The following SYNJ2BP variants were observed in gnomAD, a reference collection of about 807,000 sequenced individuals.
SYNJ2BP encodes the protein synaptojanin-2-binding protein.
A neutral mutation model predicts 16.9 loss-of-function variants in SYNJ2BP; 10 were observed. The observed-to-expected ratio is 0.59, with a 90% confidence interval of 0.36 to 1.00. The LOEUF (loss-of-function observed/expected upper bound fraction) is 1.00, where lower values mean the gene tolerates loss of function less well. SYNJ2BP is among the 50% of genes least tolerant of loss of function. The pLI is 0.01. For missense variants in SYNJ2BP, 162 were observed against 186.7 expected (o/e 0.87, Z 0.77); for synonymous variants, 54 against 68.4 (o/e 0.79, Z 1.04).
intron 2 of SYNJ2BP, among the ~76,000 whole-genome samples, chr14:70,384,911 A>AAAAC (rs1887827279): frequency 6.6e-6 from 1 of 152,170 alleles, no homozygotes; most frequent in Admixed American, 6.5e-5. Flanking sequence ...TAGCAGTGTG[A>AAAAC]AAACAGATTG....
intron 2 of SYNJ2BP, among the ~76,000 whole-genome samples, chr14:70,376,866 G>A (rs1443688500): frequency 1.3e-5 from 2 of 152,152 alleles, no homozygotes; most frequent in Non-Finnish European, 1.5e-5. Context: ...CTCAGCTAAT[G>A]CTCAAGTCAC....
At chr14:70,414,883 G>T (rs1361305394) in intron 1 of SYNJ2BP, among the ~76,000 whole-genome samples, 1 of 152,164 alleles carries the variant, frequency 6.6e-6, no homozygotes, top group Non-Finnish European at 1.5e-5. Flanking sequence ...TGATTGAAAA[G>T]TAACTTTCTA....
intron 2 of SYNJ2BP, among the ~76,000 whole-genome samples, chr14:70,386,999 A>G (rs1467110468): frequency 1.3e-5 from 2 of 152,220 alleles, no homozygotes; most frequent in Non-Finnish European, 2.9e-5. Context: ...CTAAAAGAAA[A>G]CAGGGAATAG....
rs751991268 is a variant in SYNJ2BP, at chr14:70,371,977, C to G, written c.*1014G>C. On this transcript the variant is annotated 3_prime_UTR_variant, in exon 4 of 4. Transcript: ENST00000256366. ...GGTATCAAAAAAGTCACTAGGGCAG[C>G]CCAGAGATTGGTACGATTTACCTTT... 4 of 152,118 alleles carry G rather than the reference C, an allele frequency of 2.6e-5. No individual in the cohort carries two copies. Among genetic ancestry groups the G allele is most frequent in the Non-Finnish European group, 4.4e-5 (3 of 68,054 alleles). 9.4% of individuals were successfully genotyped at this position (152,118 alleles called of 1,614,324 possible). A position where few individuals can be genotyped will look rare whatever the true frequency, so the allele number is the denominator to read the frequency against.
intron 1 of SYNJ2BP, among the ~76,000 whole-genome samples, chr14:70,398,083 C>G (rs1888146359): frequency 1.3e-5 from 1 of 79,622 alleles, no homozygotes; most frequent in Non-Finnish European, 3.4e-5. Context: ...GTCATCTCAA[C>G]AAGTACTCAG....
chr14:70,408,102 G>GTT (rs570551966), intron 1 of SYNJ2BP, among the ~76,000 whole-genome samples: 208 of 142,488 alleles, frequency 1.5e-3, no homozygotes, highest in African/African-American at 4.3e-3. Context: ...CTTCTAACAG[G>GTT]TTTTTTTTTT....
intron 1 of SYNJ2BP, among the ~76,000 whole-genome samples, chr14:70,409,010 C>T (rs1436615894): frequency 6.6e-6 from 1 of 151,946 alleles, no homozygotes; most frequent in Non-Finnish European, 1.5e-5. Context: ...GCAATTCTTC[C>T]ACTTCAGCCT....
chr14:70,399,396 C>T (rs970232300), intron 1 of SYNJ2BP, among the ~76,000 whole-genome samples: 11 of 152,236 alleles, frequency 7.2e-5, no homozygotes, highest in South Asian at 4.1e-4. Flanking sequence ...AGGCACTGCC[C>T]GGGGCCCAGC....
intron 1 of SYNJ2BP, among the ~76,000 whole-genome samples, chr14:70,409,152 G>A (rs1888414734): frequency 6.6e-6 from 1 of 152,120 alleles, no homozygotes; most frequent in Admixed American, 6.6e-5. Flanking sequence ...CTGGCCTCAA[G>A]CAGTCCTCCT....
At chr14:70,389,841 T>C (rs1248087013) in intron 1 of SYNJ2BP, among the ~76,000 whole-genome samples, 1 of 152,244 alleles carries the variant, frequency 6.6e-6, no homozygotes, top group Non-Finnish European at 1.5e-5. Flanking sequence ...ACTCCCCAGT[T>C]CCTCTTCCCT....
rs1887539645 is a variant in SYNJ2BP, at chr14:70,372,583, T to G, written c.*408A>C. 1 of 163,528 alleles carries G rather than the reference T, an allele frequency of 6.1e-6. No individual in the cohort carries two copies. Among genetic ancestry groups the G allele is most frequent in the Non-Finnish European group, 1.3e-5 (1 of 75,260 alleles). 10.1% of individuals were successfully genotyped at this position (163,528 alleles called of 1,614,324 possible). ...GTTAGAAATTAAATAAAGGCCACAATAATTTCCCAAGGAAGATCATTAAAA... is the reference window on the plus strand; with the variant it reads ...GTTAGAAATTAAATAAAGGCCACAAGAATTTCCCAAGGAAGATCATTAAAA... On this transcript the variant is annotated 3_prime_UTR_variant, in exon 4 of 4. Transcript: ENST00000256366.
At chr14:70,408,627 T>G (rs1362690630) in intron 1 of SYNJ2BP, among the ~76,000 whole-genome samples, 1 of 149,392 alleles carries the variant, frequency 6.7e-6, no homozygotes, top group Non-Finnish European at 1.5e-5. Context: ...GTGCTGAGAC[T>G]GCGCCACTGC....
chr14:70,390,114 G>A (rs1887947962), intron 1 of SYNJ2BP, among the ~76,000 whole-genome samples: 1 of 152,104 alleles, frequency 6.6e-6, no homozygotes, highest in Admixed American at 6.5e-5. Flanking sequence ...TATTTCTATG[G>A]ACCAATGACT....
At chr14:70,378,333 C>A (rs1020886499) in intron 2 of SYNJ2BP, among the ~76,000 whole-genome samples, 6 of 152,080 alleles carry the variant, frequency 3.9e-5, no homozygotes, top group Non-Finnish European at 7.4e-5. Context: ...TCTGCTAGAC[C>A]CTAATTCAAC....
chr14:70,415,436 G>A (rs745453866), intron 1 of SYNJ2BP, among the ~76,000 whole-genome samples: 14 of 151,400 alleles, frequency 9.2e-5, no homozygotes, highest in Non-Finnish European at 1.9e-4. Flanking sequence ...CCATGGTATC[G>A]GTTACTCAGG....
intron 2 of SYNJ2BP, among the ~76,000 whole-genome samples, chr14:70,381,367 T>G (rs1283675378): frequency 6.6e-6 from 1 of 152,226 alleles, no homozygotes; most frequent in Non-Finnish European, 1.5e-5. Context: ...AAGAGACCTT[T>G]TAGAAATGCA....
intron 2 of SYNJ2BP, among the ~76,000 whole-genome samples, chr14:70,387,795 C>A (rs1887891901): frequency 6.7e-6 from 1 of 149,862 alleles, no homozygotes; most frequent in African/African-American, 2.5e-5. Flanking sequence ...TACGACCCTG[C>A]ACTCCAGCCT....
intron 2 of SYNJ2BP, among the ~76,000 whole-genome samples, chr14:70,379,789 C>G (rs7155332): frequency 0.87 from 132,525 of 152,238 alleles, 57,743 homozygotes; most frequent in East Asian, 0.93. Flanking sequence ...TGTGATAGCT[C>G]TATTTCTCAT....
chr14:70,408,873 G>A (rs904991514), intron 1 of SYNJ2BP, among the ~76,000 whole-genome samples: 5 of 151,842 alleles, frequency 3.3e-5, no homozygotes, highest in South Asian at 2.1e-4. Context: ...TCGCTGTATC[G>A]CCCAGGCTGG....
Sources: allele counts gnomAD v4.1 joint callset (sites outside exome capture counted in the v4.1 genomes callset), GRCh38; gene constraint gnomAD v4.1.1; transcripts MANE v1.5; gene names NCBI Gene and HGNC (gene_info 2026-07-23, HGNC 2026-07-21).